Variants in KIF7 observed in about 807,000 individuals in gnomAD.
KIF7 encodes kinesin family member 7, also known as kinesin-like protein KIF7.
KIF7 carries 104 observed loss-of-function variants against 135.7 expected under a neutral mutation model. That is an observed-to-expected ratio of 0.77 (90% CI 0.65 to 0.90). The LOEUF (loss-of-function observed/expected upper bound fraction) is 0.90. KIF7 is among the 40% of genes least tolerant of loss of function. The probability of loss-of-function intolerance (pLI) is 0.00; values close to 1 mark genes in which losing one functional copy is unlikely to be tolerated. For synonymous variants in KIF7, 883 were observed against 809.4 expected, an observed-to-expected ratio of 1.09 and a Z score of -1.54; for missense variants, 2,005 against 1,839.1, an observed-to-expected ratio of 1.09 and a Z score of -1.65.
At chr15:89,623,977 C>A, downstream of KIF7, 2 of 1,613,932 alleles carry the variant, frequency 1.2e-6, no homozygotes, top group Non-Finnish European at 1.7e-6. Context: ...TCCAGAAAGC[C>A]CCTCCTGTCC....
chr15:89,631,766 G>C, intron 14 of KIF7, 56 bp from the exon 15 acceptor site: 1 of 1,425,268 alleles, frequency 7.0e-7, no homozygotes. Flanking sequence ...CTCACAGGGG[G>C]GACAGAAAGG....
At chr15:89,623,147 C>T (rs1379335894), downstream of KIF7, among the ~76,000 whole-genome samples, 1 of 152,196 alleles carries the variant, frequency 6.6e-6, no homozygotes, top group Non-Finnish European at 1.5e-5. Flanking sequence ...TGCTGCTGCA[C>T]CTTATATATC....
intron 10 of KIF7, among the ~76,000 whole-genome samples, chr15:89,643,575 G>A (rs1333184658): frequency 6.6e-6 from 1 of 152,184 alleles, no homozygotes; most frequent in Non-Finnish European, 1.5e-5. Flanking sequence ...TGGAGAGAAT[G>A]TGCTTATGCT....
At chr15:89,650,051 T>A (rs751665726) in intron 2 of KIF7, 110 bp from the exon 3 acceptor site, 3 of 1,164,790 alleles carry the variant, frequency 2.6e-6, no homozygotes, top group Non-Finnish European at 3.7e-6. Context: ...TGCTCTAGGA[T>A]GGAGAAGGCA....
At position 89,648,515 on chromosome 15, in the gene KIF7, C is replaced by T; in HGVS notation, c.1183G>A (p.Ala395Thr). ...ATGGCGGCCGCCGCGGAGGCGGTGG[C>T]TGGGCCTGGGGCGCGCCGGCCGCGG... is the stretch of plus-strand genomic sequence containing the variant. ...IHRGRRAPGP[A>T]TASAAAAMRL... The change falls in exon 5 of 19, where the codon GCC becomes ACC. Residue 395 changes from alanine (A) to threonine (T), a missense_variant. Coordinates refer to ENST00000394412, the MANE Select transcript of KIF7 (RefSeq NM_198525.3). 3 of 1,084,300 alleles carry T rather than the reference C, an allele frequency of 2.8e-6. No individual in the cohort carries two copies. The highest frequency in any genetic ancestry group is 3.4e-6 in the Non-Finnish European group (3 of 892,718). 67.2% of individuals were successfully genotyped at this position (1,084,300 alleles called of 1,614,324 possible).
intron 1 of KIF7, among the ~76,000 whole-genome samples, chr15:89,618,837 T>C (rs1402208420): frequency 6.6e-6 from 1 of 152,234 alleles, no homozygotes. Context: ...CATACTCCTA[T>C]GGTCCCAGCT....
chr15:89,635,741 G>A (rs1257654039), intron 11 of KIF7, among the ~76,000 whole-genome samples: 1 of 152,146 alleles, frequency 6.6e-6, no homozygotes, highest in Non-Finnish European at 1.5e-5. Flanking sequence ...GAACCAAGTT[G>A]GAAAACACTC....
chr15:89,627,221 T>C, downstream of KIF7: 3 of 1,087,196 alleles, frequency 2.8e-6, no homozygotes, highest in Middle Eastern at 3.1e-4. Flanking sequence ...CTTAGGGTTT[T>C]CTAATTCCCC....
downstream of KIF7, chr15:89,625,708 A>G (rs1963509751): frequency 6.2e-7 from 1 of 1,613,022 alleles, no homozygotes; most frequent in Non-Finnish European, 8.5e-7. Context: ...TTCAGAAGTT[A>G]GTAAGAGTAA....
upstream of KIF7, among the ~76,000 whole-genome samples, chr15:89,659,578 C>G (rs555770954): frequency 2.0e-5 from 3 of 152,200 alleles, no homozygotes; most frequent in South Asian, 6.2e-4. Flanking sequence ...AAATACTTCA[C>G]AAAAGAGGAA....
chr15:89,618,055 A>C, exon 2 of KIF7: 1 of 1,233,362 alleles, frequency 8.1e-7, no homozygotes, highest in Non-Finnish European at 1.2e-6. Flanking sequence ...AGACCCTGTG[A>C]TCTTTGTGAT....
chr15:89,625,443 G>C (rs146807618), downstream of KIF7: 363 of 1,613,970 alleles, frequency 2.2e-4, 5 homozygotes, highest in African/African-American at 4.5e-3. Flanking sequence ...ACCTTCCTGG[G>C]AGCCTGTCAC....
At position 89,649,285 on chromosome 15, in the gene KIF7, GTGCCGCGCCGCGT is replaced by G; in HGVS notation, c.599_611del (p.Asn200ThrfsTer20). 6.6e-7 allele frequency: 1 copy of G among 1,507,228 alleles called. No homozygotes were observed. Among genetic ancestry groups the G allele is most frequent in the Non-Finnish European group, 8.9e-7 (1 of 1,123,240 alleles). 93.4% of individuals were successfully genotyped at this position (1,507,228 alleles called of 1,614,324 possible). A position where few individuals can be genotyped will look rare whatever the true frequency, so the allele number is the denominator to read the frequency against. The stretch of plus-strand genomic sequence containing the variant: ...GGTGGTTGAGGTGCGTGGCTCCCGT[GTGCCGCGCCGCGT>G]TGCCCATCTCCAGGAGGCTCAGCAC... On this transcript the variant is annotated frameshift_variant, in exon 4 of 19. Coordinates refer to ENST00000394412, the MANE Select transcript of KIF7 (RefSeq NM_198525.3). LOFTEE classifies it high-confidence loss of function.
At chr15:89,643,317 A>G (rs573630934) in intron 10 of KIF7, among the ~76,000 whole-genome samples, 8 of 152,374 alleles carry the variant, frequency 5.3e-5, no homozygotes, top group Non-Finnish European at 1.2e-4. Flanking sequence ...CAGCTTTTAC[A>G]TTGTATTAGG....
chr15:89,624,267 C>T (rs1350114362), downstream of KIF7: 4 of 1,614,100 alleles, frequency 2.5e-6, no homozygotes, highest in East Asian at 8.9e-5. Context: ...TATGTGATGT[C>T]TCCAAGAAGA....
chr15:89,630,408 C>T lies in KIF7; in HGVS notation c.3197G>A (p.Arg1066His), dbSNP rs763937653. Residue 1066 changes from arginine to histidine, a missense_variant, in exon 16 of 19, where the codon CGC becomes CAC. Transcript: ENST00000394412. ...GGCTGAGGCCCGAAGCACCCGCTGG[C>T]GGCATGTGATGGCCTCATTCTTATA... ...IEYKNEAITC[R>H]QRVLRASASL... The T allele has an allele frequency of 3.7e-6, 6 of 1,610,576 alleles. No individual in the cohort carries two copies. The highest frequency in any genetic ancestry group is 1.3e-5 in the African/African-American group (1 of 75,024).
chr15:89,655,684 A>C (rs1964199235), upstream of KIF7, among the ~76,000 whole-genome samples: 1 of 151,082 alleles, frequency 6.6e-6, no homozygotes, highest in African/African-American at 2.4e-5. Context: ...TCCAAACTGG[A>C]CTCCAGACCA....
rs894156 is a variant in KIF7, at chr15:89,633,926, C to T, written c.2395-43G>A. ...TTCACTGGGCCATGCACGGGGCTAC[C>T]GCGAGCCTGCCATAGTGCTGGGCAC... On this transcript the variant is annotated intron_variant, in intron 11 of 18. Coordinates refer to ENST00000394412, the MANE Select transcript of KIF7 (RefSeq NM_198525.3). 512,697 of 1,606,866 alleles carry T rather than the reference C, an allele frequency of 0.32. 84,434 individuals are homozygous for T. Among genetic ancestry groups the T allele is most frequent in the Middle Eastern group, 0.38 (2,281 of 6,054 alleles).
chr15:89,631,504 C>T lies in KIF7; in HGVS notation c.3102G>A (p.Leu1034=), dbSNP rs1470147295. The T allele has an allele frequency of 1.3e-6, 2 of 1,574,902 alleles. No individual in the cohort carries two copies. Among genetic ancestry groups the T allele is most frequent in the South Asian group, 1.2e-5 (1 of 86,232 alleles). The change falls in exon 15 of 19, where the codon CTG becomes CTA. Residue 1034 remains leucine, a synonymous_variant. Transcript: ENST00000394412. ...IDGKLRQGSL[L]SPEEERTLFQ... ...TGGGGCCGCAGGGTACCTCGGGGGA[C>T]AGCAGACTCCCCTGCCTCAGCTTGC...
Sources: allele counts gnomAD v4.1 joint callset (sites outside exome capture counted in the v4.1 genomes callset), GRCh38; gene constraint gnomAD v4.1.1; transcripts MANE v1.5; gene names NCBI Gene and HGNC (gene_info 2026-07-23, HGNC 2026-07-21).